RIMS2: variants seen among roughly 807,000 people sequenced by gnomAD.
RIMS2 encodes regulating synaptic membrane exocytosis protein 2.
Under a neutral mutation model 174.4 loss-of-function variants are expected in RIMS2, and 59 were observed. The ratio of observed to expected loss-of-function variants is 0.34; its 90% CI spans 0.27 to 0.42. RIMS2 has a LOEUF of 0.42. Among genes scored for constraint, RIMS2 ranks in the 10% least tolerant of loss-of-function variants. RIMS2 has a pLI of 1.00. For missense variants in RIMS2, 1,620 were observed against 1,666.3 expected, an observed-to-expected ratio of 0.97 and a Z score of 0.48; for synonymous variants, 606 against 572.5, an observed-to-expected ratio of 1.06 and a Z score of -0.84.
At chr8:103,833,046 C>T (rs539999164) in intron 3 of RIMS2, among the ~76,000 whole-genome samples, 295 of 152,328 alleles carry the variant, frequency 1.9e-3, no homozygotes, top group Admixed American at 2.9e-3. Context: ...CAGATATTCA[C>T]ATCTCCATTT....
At position 103,785,086 on chromosome 8, in the gene RIMS2, G is replaced by T. The variant is rs1456629007; in HGVS notation, c.698+18549G>T. Reference sequence around the variant, plus strand: ...CTCTCTGTTTGTCTGTTATTGGTGCGTAAGAATGCTTGTGATTTTTGTACA... The same window carrying T: ...CTCTCTGTTTGTCTGTTATTGGTGCTTAAGAATGCTTGTGATTTTTGTACA... On this transcript the variant is annotated intron_variant, in intron 3 of 23. Transcript: ENST00000504942. 1.4e-5 allele frequency among the ~76,000 whole-genome samples: 2 copies of T among 140,528 alleles called. 1 individual carries two copies. The highest frequency in any genetic ancestry group is 4.0e-4 in the East Asian group (2 of 4,942). 92.2% of individuals were successfully genotyped at this position (140,528 alleles called of 152,430 possible). A position where few individuals can be genotyped will look rare whatever the true frequency, so the allele number is the denominator to read the frequency against.
chr8:103,672,109 T>G (rs2096752138), intron 1 of RIMS2, among the ~76,000 whole-genome samples: 1 of 152,110 alleles, frequency 6.6e-6, no homozygotes, highest in Non-Finnish European at 1.5e-5. Context: ...AATAAAAGGT[T>G]TTAAAAAGCA....
chr8:103,614,041 G>A (rs2095448249), intron 1 of RIMS2, among the ~76,000 whole-genome samples: 1 of 152,232 alleles, frequency 6.6e-6, no homozygotes, highest in African/African-American at 2.4e-5. Flanking sequence ...CACCCCGGCT[G>A]GTGTCTCCAT....
intron 9 of RIMS2, among the ~76,000 whole-genome samples, chr8:103,919,342 G>C (rs2077177753): frequency 6.6e-6 from 1 of 152,166 alleles, no homozygotes. Flanking sequence ...CAGTGTAGCT[G>C]AATGGAGTGA....
chr8:104,208,817 G>A (rs902869412), intron 19 of RIMS2, among the ~76,000 whole-genome samples: 7 of 152,162 alleles, frequency 4.6e-5, no homozygotes, highest in Admixed American at 2.0e-4. Context: ...GATTACAGGC[G>A]TGAGCCACCA....
intron 19 of RIMS2, among the ~76,000 whole-genome samples, chr8:104,096,229 A>G (rs2097759955): frequency 6.6e-6 from 1 of 152,178 alleles, no homozygotes; most frequent in South Asian, 2.1e-4. Flanking sequence ...TGTTTTCTAC[A>G]TACTGTATAC....
At chr8:103,875,654 G>T (rs1211538525) in intron 3 of RIMS2, among the ~76,000 whole-genome samples, 1 of 151,938 alleles carries the variant, frequency 6.6e-6, no homozygotes, top group African/African-American at 2.4e-5. Flanking sequence ...TTGAATGGTA[G>T]ATCTTGTTTT....
intron 1 of RIMS2, among the ~76,000 whole-genome samples, chr8:103,611,236 A>G (rs1413384125): frequency 6.6e-6 from 1 of 151,412 alleles, no homozygotes; most frequent in Non-Finnish European, 1.5e-5. Flanking sequence ...CTGTTTTAAA[A>G]CTTTTTGTTG....
At chr8:103,961,735 T>C (rs1430414528) in intron 15 of RIMS2, among the ~76,000 whole-genome samples, 1 of 152,120 alleles carries the variant, frequency 6.6e-6, no homozygotes, top group Non-Finnish European at 1.5e-5. Context: ...TTCTATTCCT[T>C]TTGAAGGTTA....
intron 1 of RIMS2, among the ~76,000 whole-genome samples, chr8:103,574,191 TC>T (rs1285662101): frequency 6.6e-6 from 1 of 152,152 alleles, no homozygotes; most frequent in Non-Finnish European, 1.5e-5. Flanking sequence ...CTAAGAGATA[TC>T]ACTTACTGGA....
At position 104,223,352 on chromosome 8, in the gene RIMS2, T is replaced by A. The variant is rs903102173; in HGVS notation, c.3335-21564T>A. 7.0e-6 allele frequency: 8 copies of A among 1,143,822 alleles called. No homozygotes were observed. The East Asian group carries it at 3.2e-4, about 46-fold the overall frequency. The allele number at this position is 1,143,822 out of a possible 1,614,324, so 70.9% of individuals were successfully genotyped here. Reference sequence around the variant, plus strand: ...CAGCGAGACTCCAGCAGCTCCAGCCTCCAGGATTCTCAGCTCCCTCCCGGG... The same window carrying A: ...CAGCGAGACTCCAGCAGCTCCAGCCACCAGGATTCTCAGCTCCCTCCCGGG... On this transcript the variant is annotated intron_variant, in intron 19 of 23. Transcript: ENST00000504942.
intron 17 of RIMS2, among the ~76,000 whole-genome samples, chr8:104,010,626 C>T (rs1405548507): frequency 6.6e-6 from 1 of 151,728 alleles, no homozygotes; most frequent in Non-Finnish European, 1.5e-5. Flanking sequence ...TAGCCTAGAT[C>T]AATTCAAGTA....
intron 3 of RIMS2, among the ~76,000 whole-genome samples, chr8:103,855,183 T>G (rs2099021165): frequency 6.6e-6 from 1 of 152,122 alleles, no homozygotes; most frequent in African/African-American, 2.4e-5. Context: ...TCTTTTGTAT[T>G]TCTGTGAGAT....
intron 15 of RIMS2, among the ~76,000 whole-genome samples, chr8:103,968,495 G>T (rs867262864): frequency 6.7e-6 from 1 of 148,416 alleles, no homozygotes. Context: ...TGGCATATCA[G>T]TTATACTTCT....
intron 1 of RIMS2, among the ~76,000 whole-genome samples, chr8:103,619,962 A>G (rs1019608987): frequency 6.6e-6 from 1 of 152,150 alleles, no homozygotes; most frequent in Non-Finnish European, 1.5e-5. Flanking sequence ...TTTAACATCT[A>G]TATACATCTA....
At chr8:103,912,141 C>T (rs774942800) in exon 6 of RIMS2, 2 of 1,606,840 alleles carry the variant, frequency 1.2e-6, no homozygotes, top group South Asian at 2.2e-5. Context: ...GGAAGTGTAC[C>T]TCGAGATTCA....
chr8:103,954,013 T>C (rs1377048475), intron 14 of RIMS2, among the ~76,000 whole-genome samples: 1 of 152,182 alleles, frequency 6.6e-6, no homozygotes, highest in African/African-American at 2.4e-5. Context: ...AAGAAGGCCA[T>C]TACATAATGG....
At chr8:104,089,711 C>G (rs372120263) in intron 19 of RIMS2, among the ~76,000 whole-genome samples, 5 of 151,782 alleles carry the variant, frequency 3.3e-5, no homozygotes, top group African/African-American at 1.2e-4. Flanking sequence ...TAAACTGGAG[C>G]CTTTAGCTAA....
intron 3 of RIMS2, among the ~76,000 whole-genome samples, chr8:103,844,615 A>G (rs2098958332): frequency 6.6e-6 from 1 of 152,226 alleles, no homozygotes; most frequent in Admixed American, 6.5e-5. Flanking sequence ...ATATAGAAAT[A>G]AAGCCACTTT....
Sources: allele counts gnomAD v4.1 joint callset (sites outside exome capture counted in the v4.1 genomes callset), GRCh38; gene constraint gnomAD v4.1.1; transcripts MANE v1.5; gene names NCBI Gene and HGNC (gene_info 2026-07-23, HGNC 2026-07-21).